TBX5: variants seen among roughly 807,000 people sequenced by gnomAD.
TBX5 encodes the protein T-box transcription factor 5, also known as T-box transcription factor TBX5.
TBX5 carries 8 observed loss-of-function variants against 51.1 expected under a neutral mutation model. The ratio of observed to expected loss-of-function variants is 0.16; its 90% CI spans 0.09 to 0.28. The LOEUF is 0.28. Ranked by LOEUF, TBX5 falls within the 10% of genes least tolerant of loss-of-function variation. The pLI, the probability that TBX5 is intolerant of heterozygous loss-of-function variation, is 1.00. For synonymous variants in TBX5, 302 were observed against 266.4 expected (o/e 1.13, Z -1.30); for missense variants, 589 against 671.7 (o/e 0.88, Z 1.36).
chr12:114,402,234 C>G (rs983906967), intron 2 of TBX5, among the ~76,000 whole-genome samples: 1 of 151,946 alleles, frequency 6.6e-6, no homozygotes, highest in African/African-American at 2.4e-5. Context: ...TCCGGAATGT[C>G]ACTGAGGAGG....
intron 5 of TBX5, among the ~76,000 whole-genome samples, chr12:114,397,331 C>A (rs1319529285): frequency 2.6e-5 from 4 of 152,150 alleles, no homozygotes; most frequent in Non-Finnish European, 5.9e-5. Context: ...CTTGACAAGT[C>A]ACCCCCGTCC....
Position 114,355,561 on chromosome 12 carries a change from T to C in TBX5, c.1528A>G (p.Met510Val), listed in dbSNP as rs1868837838. 2.5e-6 allele frequency: 4 copies of C among 1,614,106 alleles called. No homozygotes were observed. The East Asian group carries it at 6.7e-5, about 27-fold the overall frequency. The change falls in exon 9 of 9, where the codon ATG becomes GTG. Residue 510 changes from methionine to valine, a missense_variant. Met to Val is a conservative substitution (Grantham distance 21, BLOSUM62 1). This residue lies in a region of TBX5 where 348 missense variants were observed against 360.4 expected (regional missense o/e 0.97). Coordinates refer to ENST00000405440, the MANE Select transcript of TBX5 (RefSeq NM_181486.4). ...HQYHSVHGVG[M>V]VPEWSDNS ...CTATTGTCGCTCCACTCTGGCACCATGCCAACTCCGTGCACAGAGTGGTAC... is the reference window on the plus strand; with the variant it reads ...CTATTGTCGCTCCACTCTGGCACCACGCCAACTCCGTGCACAGAGTGGTAC...
intron 2 of TBX5, among the ~76,000 whole-genome samples, chr12:114,402,847 G>C (rs957253980): frequency 6.6e-6 from 1 of 151,926 alleles, no homozygotes; most frequent in African/African-American, 2.4e-5. Flanking sequence ...TTCCTAAACT[G>C]TGTTCACGCT....
At position 114,399,761 on chromosome 12, in the gene TBX5, G is replaced by T. The variant is rs1871682133; in HGVS notation, c.243-129C>A. 24 of 1,438,922 alleles carry T rather than the reference G, an allele frequency of 1.7e-5. No individual in the cohort carries two copies. In the South Asian group the frequency reaches 2.0e-4, roughly 12 times the overall value. The allele number at this position is 1,438,922 out of a possible 1,614,324, so 89.1% of individuals were successfully genotyped here. A position where few individuals can be genotyped will look rare whatever the true frequency, so the allele number is the denominator to read the frequency against. The stretch of plus-strand genomic sequence containing the variant: ...TGGAAGCGGAAACTAGCCCCGTTCC[G>T]CTCTCCGCAAGATCCATCCCGGGTT... On this transcript the variant is annotated intron_variant, in intron 3 of 8. Coordinates refer to ENST00000405440, the MANE Select transcript of TBX5 (RefSeq NM_181486.4).
At chr12:114,405,332 G>T (rs1434971329) in intron 1 of TBX5, among the ~76,000 whole-genome samples, 1 of 152,178 alleles carries the variant, frequency 6.6e-6, no homozygotes, top group Non-Finnish European at 1.5e-5. Flanking sequence ...CCGGCCGCGG[G>T]GAGAATCCTA....
At chr12:114,382,356 C>T (rs1037842858) in intron 7 of TBX5, among the ~76,000 whole-genome samples, 3 of 152,122 alleles carry the variant, frequency 2.0e-5, no homozygotes, top group African/African-American at 7.2e-5. Flanking sequence ...AACAAATGAA[C>T]ATGTGTTTAG....
Position 114,405,858 on chromosome 12 carries a change from T to TA in TBX5, c.-270dup. ...CTGCTGTGCGCTTGCTCTCCCTAAA[T>TA]ACTTCCCAGTTGGCAAGCGCCAAAG... On this transcript the variant is annotated 5_prime_UTR_variant, in exon 1 of 9. The change abolishes the stop of an existing upstream ORF in the 5' untranslated region. Transcript: ENST00000405440. 1 of 985,478 alleles carries TA rather than the reference T, an allele frequency of 1.0e-6. No homozygotes were observed. The highest frequency in any genetic ancestry group is 1.2e-6 in the Non-Finnish European group (1 of 829,992). The allele number at this position is 985,478 out of a possible 1,614,324, so 61.0% of individuals were successfully genotyped here.
chr12:114,374,219 A>T (rs1870073316), intron 7 of TBX5, among the ~76,000 whole-genome samples: 1 of 152,252 alleles, frequency 6.6e-6, no homozygotes, highest in African/African-American at 2.4e-5. Flanking sequence ...ACAAGGTAGC[A>T]GGTCTCTTGG....
intron 7 of TBX5, among the ~76,000 whole-genome samples, chr12:114,369,109 A>G (rs1453108242): frequency 4.6e-5 from 7 of 152,228 alleles, no homozygotes; most frequent in Non-Finnish European, 8.8e-5. Flanking sequence ...TTTAGTTCCA[A>G]TATTTTGCTG....
chr12:114,387,398 A>C (rs1232768505), intron 6 of TBX5, among the ~76,000 whole-genome samples: 2 of 152,262 alleles, frequency 1.3e-5, no homozygotes, highest in Non-Finnish European at 2.9e-5. Flanking sequence ...TCACCATAAA[A>C]AATATACATA....
At chr12:114,386,404 G>A (rs895191885) in intron 6 of TBX5, among the ~76,000 whole-genome samples, 18 of 152,274 alleles carry the variant, frequency 1.2e-4, no homozygotes, top group Middle Eastern at 3.4e-3. Context: ...TAAAAATTGC[G>A]TGTGAACTGA....
At position 114,399,548 on chromosome 12, in the gene TBX5, G is replaced by C; in HGVS notation, c.327C>G (p.Ala109=). 1.2e-6 allele frequency: 2 copies of C among 1,614,056 alleles called. No individual in the cohort carries two copies. Among genetic ancestry groups the C allele is most frequent in the Non-Finnish European group, 1.7e-6 (2 of 1,180,026 alleles). The stretch of plus-strand genomic sequence containing the variant: ...CTGCGAATTTGTATCTGTGATCGTC[G>C]GCAGGTACAATGTCCATGAGAAGAA... The part of the protein sequence containing the change: ...KYILLMDIVP[A]DDHRYKFADN... Residue 109 remains alanine (A), a synonymous_variant, in exon 4 of 9, where the codon GCC becomes GCG. Transcript: ENST00000405440.
chr12:114,382,977 C>CAA (rs34867756), intron 7 of TBX5, among the ~76,000 whole-genome samples: 8 of 92,978 alleles, frequency 8.6e-5, no homozygotes, highest in African/African-American at 3.0e-4. Flanking sequence ...ACCCTGTCTC[C>CAA]AAAAAAAAAA....
intron 6 of TBX5, among the ~76,000 whole-genome samples, chr12:114,388,989 C>T (rs1028984602): frequency 3.9e-5 from 6 of 152,082 alleles, no homozygotes; most frequent in Admixed American, 2.0e-4. Flanking sequence ...GGTGCAGTGG[C>T]GCGATCTTGG....
chr12:114,397,961 T>C (rs576863216), intron 5 of TBX5, among the ~76,000 whole-genome samples: 1 of 152,288 alleles, frequency 6.6e-6, no homozygotes, highest in East Asian at 1.9e-4. Flanking sequence ...ATGGCTTTCA[T>C]TGTGGTCCAG....
chr12:114,406,021 G>C lies in TBX5; in HGVS notation c.-432C>G, dbSNP rs1320413917. The C allele has an allele frequency of 8.1e-6, 8 of 985,162 alleles. No individual in the cohort carries two copies. Among genetic ancestry groups the C allele is most frequent in the Non-Finnish European group, 9.6e-6 (8 of 829,956 alleles). 61.0% of individuals were successfully genotyped at this position (985,162 alleles called of 1,614,324 possible). A position where few individuals can be genotyped will look rare whatever the true frequency, so the allele number is the denominator to read the frequency against. ...TCTGAGCGCAGCTTTCAGGATTAAAGTTCCCGGATTCGAGGTAAGAGTCAG... is the reference window on the plus strand; with the variant it reads ...TCTGAGCGCAGCTTTCAGGATTAAACTTCCCGGATTCGAGGTAAGAGTCAG... On this transcript the variant is annotated 5_prime_UTR_variant, in exon 1 of 9. Transcript: ENST00000405440.
At chr12:114,386,673 C>T (rs1418004976) in intron 6 of TBX5, among the ~76,000 whole-genome samples, 1 of 152,212 alleles carries the variant, frequency 6.6e-6, no homozygotes, top group Non-Finnish European at 1.5e-5. Context: ...TGTCTTTACT[C>T]ATATCCAAAG....
At chr12:114,399,437 G>A (rs1871652828) in intron 4 of TBX5, 76 bp downstream of exon 4, 1 of 1,585,484 alleles carries the variant, frequency 6.3e-7, no homozygotes, top group Non-Finnish European at 8.6e-7. Flanking sequence ...AAAGTTCACT[G>A]ATACAACTTT....
upstream of TBX5, among the ~76,000 whole-genome samples, chr12:114,407,420 C>T (rs1442204070): frequency 1.3e-5 from 2 of 152,202 alleles, no homozygotes; most frequent in African/African-American, 4.8e-5. Flanking sequence ...GGCTGAACCG[C>T]TACATCTCCA....
Sources: allele counts gnomAD v4.1 joint callset (sites outside exome capture counted in the v4.1 genomes callset), GRCh38; gene constraint gnomAD v4.1.1; regional missense constraint gnomAD v4.1.1; transcripts MANE v1.5; gene names NCBI Gene and HGNC (gene_info 2026-07-23, HGNC 2026-07-21).